The following SPG11 variants were observed in gnomAD, a reference collection of about 807,000 sequenced individuals.
The protein encoded by SPG11 is spatacsin.
In SPG11, 222 loss-of-function variants were observed where a neutral mutation model predicts 274.0. The ratio of observed to expected loss-of-function variants is 0.81; its 90% CI spans 0.73 to 0.91. SPG11 has a LOEUF of 0.91. SPG11 is among the 40% of genes least tolerant of loss of function. The pLI, the probability that SPG11 is intolerant of heterozygous loss-of-function variation, is 0.00. For missense variants in SPG11, 3,114 were observed against 2,872.7 expected (o/e 1.08, Z -1.92); for synonymous variants, 1,144 against 1,039.7 (o/e 1.10, Z -1.93).
At chr15:44,611,516 A>T (rs556344253) in intron 17 of SPG11, among the ~76,000 whole-genome samples, 1 of 152,318 alleles carries the variant, frequency 6.6e-6, no homozygotes, top group African/African-American at 2.4e-5. Context: ...GTGAGTAGAG[A>T]CTAGGACTTA....
At chr15:44,583,118 T>C (rs922442479) in intron 30 of SPG11, among the ~76,000 whole-genome samples, 1 of 152,212 alleles carries the variant, frequency 6.6e-6, no homozygotes, top group African/African-American at 2.4e-5. Flanking sequence ...GTAGAAAATC[T>C]TGAGGAATCT....
At chr15:44,587,693 CAAAAAAAAA>C (rs34479385) in intron 28 of SPG11, among the ~76,000 whole-genome samples, 1 of 34,054 alleles carries the variant, frequency 2.9e-5, no homozygotes, top group African/African-American at 1.8e-4. Context: ...CAGACTGTCT[CAAAAAAAAA>C]AAAAAAAAAA....
At chr15:44,564,783 A>G in intron 38 of SPG11, 85 bp from the exon 39 acceptor site, 1 of 1,396,100 alleles carries the variant, frequency 7.2e-7, no homozygotes, top group South Asian at 1.2e-5. Flanking sequence ...ACAATACTGT[A>G]TACTCACTCA....
chr15:44,649,087 T>G, intron 6 of SPG11, 76 bp from the exon 7 acceptor site: 1 of 1,131,392 alleles, frequency 8.8e-7, no homozygotes, highest in South Asian at 1.3e-5. Context: ...TGATTTTTAA[T>G]TACTCAATAC....
At chr15:44,638,538 T>C (rs984851613) in intron 7 of SPG11, among the ~76,000 whole-genome samples, 4 of 136,858 alleles carry the variant, frequency 2.9e-5, no homozygotes, top group African/African-American at 1.1e-4. Context: ...AAACAAACTT[T>C]AGATCTGATA....
intron 17 of SPG11, 67 bp from the exon 18 acceptor site, chr15:44,611,052 T>C (rs563772720): frequency 1.8e-6 from 2 of 1,087,066 alleles, no homozygotes; most frequent in Admixed American, 4.6e-5. Context: ...ATTACATAAA[T>C]GTGAGAACAA....
Position 44,628,690 on chromosome 15 carries a change from T to C in SPG11, c.2046A>G (p.Ile682Met), listed in dbSNP as rs1408099340. Reference sequence around the variant, plus strand: ...TTACCTCAAAGCTGAGTTTCTTCCATATATTGCTCTCCTTTACTTTGGGGA... The same window carrying C: ...TTACCTCAAAGCTGAGTTTCTTCCACATATTGCTCTCCTTTACTTTGGGGA... ...ENVPKVKESNIWKKLSFEEVI... is the reference protein window; with the variant it reads ...ENVPKVKESNMWKKLSFEEVI... The change falls in exon 10 of 40, where the codon ATA becomes ATG. Residue 682 changes from isoleucine (I) to methionine (M), a missense_variant. Physicochemically the swap from Ile to Met is conservative, Grantham distance 10. Transcript: ENST00000261866. 4 of 1,613,698 alleles carry C rather than the reference T, an allele frequency of 2.5e-6. No individual in the cohort carries two copies. The highest frequency in any genetic ancestry group is 2.5e-6 in the Non-Finnish European group (3 of 1,179,902).
chr15:44,633,442 C>T (rs2084140700), intron 8 of SPG11, 63 bp downstream of exon 8: 1 of 1,243,956 alleles, frequency 8.0e-7, no homozygotes, highest in African/African-American at 1.6e-5. Context: ...CAACATCATA[C>T]TTTGAAAGTT....
At chr15:44,633,946 C>T (rs116483186) in intron 7 of SPG11, among the ~76,000 whole-genome samples, 1 of 151,928 alleles carries the variant, frequency 6.6e-6, no homozygotes, top group African/African-American at 2.4e-5. Context: ...TCAAGAGATT[C>T]TCCTGCCCCA....
Position 44,567,439 on chromosome 15 carries a change from C to CA in SPG11, c.6738dup (p.Glu2247Ter). 3.1e-6 allele frequency: 5 copies of CA among 1,613,358 alleles called. No individual in the cohort carries two copies. The highest frequency in any genetic ancestry group is 4.2e-6 in the Non-Finnish European group (5 of 1,179,656). ...CCTCACTCACCCCAGGGCTGAGACT[C>CA]AATCAATTTCAGTTGGATGCGGGCA... On this transcript the variant is annotated frameshift_variant, in exon 36 of 40. Coordinates refer to ENST00000261866, the MANE Select transcript of SPG11 (RefSeq NM_025137.4). LOFTEE classifies it high-confidence loss of function.
At chr15:44,652,090 A>T in intron 5 of SPG11, 39 bp downstream of exon 5, 1 of 1,613,210 alleles carries the variant, frequency 6.2e-7, no homozygotes, top group South Asian at 1.1e-5. Context: ...ATGATAAAAA[A>T]TAAGAACAAT....
At chr15:44,611,105 A>AG in intron 17 of SPG11, 120 bp from the exon 18 acceptor site, 1 of 873,438 alleles carries the variant, frequency 1.1e-6, no homozygotes, top group Non-Finnish European at 1.7e-6. Context: ...AAAAAAAAAA[A>AG]AAAAAAAAAA....
chr15:44,645,910 C>A (rs1408362208), intron 7 of SPG11, among the ~76,000 whole-genome samples: 1 of 152,068 alleles, frequency 6.6e-6, no homozygotes, highest in African/African-American at 2.4e-5. Context: ...TAGGGAAATG[C>A]AAATCAAAAT....
intron 26 of SPG11, 41 bp from the exon 27 acceptor site, chr15:44,592,479 T>G: frequency 8.4e-7 from 1 of 1,193,898 alleles, no homozygotes; most frequent in East Asian, 2.3e-5. Flanking sequence ...AATTTTGAAC[T>G]TAATATTTTT....
chr15:44,584,469 A>C lies in SPG11; in HGVS notation c.5211T>G (p.Asn1737Lys). Residue 1737 changes from asparagine (N) to lysine (K), a missense_variant, in exon 30 of 40, where the codon AAT becomes AAG. Physicochemically the swap from Asn to Lys is moderately conservative, Grantham distance 94 (BLOSUM62 0). Coordinates refer to ENST00000261866, the MANE Select transcript of SPG11 (RefSeq NM_025137.4). ...RIDFWKKCHE[N>K]FKKNSISSKA... ...TGCTTGAAATTGAATTTTTCTTAAA[A>C]TTCTCATGGCATTTTTTCCAGAAGT... The C allele has an allele frequency of 6.2e-7, 1 of 1,614,210 alleles. No individual in the cohort carries two copies. The highest frequency in any genetic ancestry group is 1.6e-4 in the Middle Eastern group (1 of 6,062).
chr15:44,618,516 C>CAAA (rs1243300533), intron 15 of SPG11, among the ~76,000 whole-genome samples: 1 of 35,360 alleles, frequency 2.8e-5, no homozygotes, highest in South Asian at 9.8e-4. Flanking sequence ...GACTCCATCT[C>CAAA]AAAAAAAAAA....
Position 44,595,424 on chromosome 15 carries a change from G to A in SPG11, c.4470C>T (p.Ile1490=), listed in dbSNP as rs1293911087. 6.2e-7 allele frequency: 1 copy of A among 1,614,170 alleles called. No individual in the cohort carries two copies. The highest frequency in any genetic ancestry group is 8.5e-7 in the Non-Finnish European group (1 of 1,180,030). Residue 1490 remains isoleucine (I), a synonymous_variant, in exon 26 of 40, where the codon ATC becomes ATT. Coordinates refer to ENST00000261866, the MANE Select transcript of SPG11 (RefSeq NM_025137.4). ...ASAISCLCVW[I]ITSVEDNVAT... is the part of the protein sequence containing the mutation. ...CAACATTGTCCTCCACAGAAGTGAT[G>A]ATCCAAACACAGAGACAAGAAATGG...
Position 44,621,802 on chromosome 15 carries a change from T to C in SPG11, c.2577A>G (p.Gln859=), listed in dbSNP as rs753130399. The C allele has an allele frequency of 3.6e-5, 58 of 1,613,960 alleles. No individual in the cohort carries two copies. In the Admixed American group the frequency reaches 8.5e-4, roughly 24 times the overall value. The part of the protein sequence containing the change: ...IVLNWALWWD[Q]LTQESILLPR... ...GGAGAAGGATGGATTCTTGTGTTAG[T>C]TGATCCCACCACAGAGCCCAATTTA... The change falls in exon 14 of 40, where the codon CAA becomes CAG. Residue 859 remains glutamine (Q), a synonymous_variant. Coordinates refer to ENST00000261866, the MANE Select transcript of SPG11 (RefSeq NM_025137.4).
In SPG11 at chr15:44,592,097, C is replaced by T. The variant is rs74429074; in HGVS notation, c.4743+234G>A. Among the ~76,000 whole-genome samples, 46,732 of 148,446 alleles carry T rather than the reference C, an allele frequency of 0.31. 8,871 individuals carry two copies. The highest frequency in any genetic ancestry group is 0.45 in the Admixed American group (6,626 of 14,844). On this transcript the variant is annotated intron_variant, in intron 27 of 39. Coordinates refer to ENST00000261866, the MANE Select transcript of SPG11 (RefSeq NM_025137.4). ...CCGCACTCCAGCCTGGGCGACAGAGCCAGACACTGTCTCAAAAAAAAAAAA... is the reference window on the plus strand; with the variant it reads ...CCGCACTCCAGCCTGGGCGACAGAGTCAGACACTGTCTCAAAAAAAAAAAA...
Sources: gnomAD v4.1 joint callset for allele counts (sites outside exome capture counted in the v4.1 genomes callset) on GRCh38, gnomAD v4.1.1 for gene constraint, MANE v1.5 for transcripts, NCBI Gene and HGNC (gene_info 2026-07-23, HGNC 2026-07-21) for gene names.